The following ANKDD1B variants were observed in gnomAD, a reference collection of about 807,000 sequenced individuals.
The protein encoded by ANKDD1B is ankyrin repeat and death domain containing 1B, also known as ankyrin repeat and death domain-containing protein 1B.
A neutral mutation model predicts 59.7 loss-of-function variants in ANKDD1B; 57 were observed. The ratio of observed to expected loss-of-function variants is 0.95; its 90% CI spans 0.77 to 1.19. The LOEUF (loss-of-function observed/expected upper bound fraction) is 1.19, where lower values mean the gene tolerates loss of function less well. Among genes scored for constraint, ANKDD1B ranks in the 50% most tolerant of loss-of-function variants. The pLI, the probability that ANKDD1B is intolerant of heterozygous loss-of-function variation, is 0.00. For synonymous variants in ANKDD1B, 216 were observed against 239.5 expected, an observed-to-expected ratio of 0.90 and a Z score of 0.91; for missense variants, 602 against 641.9, an observed-to-expected ratio of 0.94 and a Z score of 0.67.
intron 5 of ANKDD1B, among the ~76,000 whole-genome samples, chr5:75,633,400 T>G (rs144415291): frequency 1.3e-5 from 2 of 152,316 alleles, no homozygotes; most frequent in African/African-American, 4.8e-5. Flanking sequence ...TGTCTTCGCT[T>G]TTTGCCATTT....
At chr5:75,662,689 G>A (rs1294106230) in intron 10 of ANKDD1B, among the ~76,000 whole-genome samples, 2 of 152,058 alleles carry the variant, frequency 1.3e-5, no homozygotes, top group Non-Finnish European at 2.9e-5. Flanking sequence ...TCCATCTTGA[G>A]AAAAGTGTAC....
At chr5:75,635,685 A>G (rs1774280075) in intron 6 of ANKDD1B, 99 bp from the exon 7 acceptor site, 1 of 731,456 alleles carries the variant, frequency 1.4e-6, no homozygotes, top group Non-Finnish European at 2.2e-6. Context: ...AGCTTTAACC[A>G]AAATGAAAAC....
chr5:75,637,199 C>T (rs1361429903), intron 7 of ANKDD1B, among the ~76,000 whole-genome samples: 1 of 134,982 alleles, frequency 7.4e-6, no homozygotes, highest in Non-Finnish European at 1.5e-5. Context: ...GAGCCCAGAT[C>T]GTACCACTGC....
At chr5:75,617,865 A>G (rs1255968178) in intron 2 of ANKDD1B, among the ~76,000 whole-genome samples, 1 of 152,160 alleles carries the variant, frequency 6.6e-6, no homozygotes, top group Admixed American at 6.6e-5. Context: ...AGGTCCTAGA[A>G]ACTGAAGCTG....
chr5:75,648,253 TAAAAAAAAAAAATTA>T (rs1332746860), intron 7 of ANKDD1B, among the ~76,000 whole-genome samples: 1,029 of 37,296 alleles, frequency 0.028, 22 homozygotes, highest in African/African-American at 0.092. Flanking sequence ...AAAGTATAAT[TAAAAAAAAAAAATTA>T]AAAAAAAAAA....
rs1775464382 is a variant in ANKDD1B, at chr5:75,671,005, A to ATGGAGTTGAGTCCATTT, written c.1552_1553insTGGAGTTGAGTCCATTT (p.Thr518MetfsTer15). On this transcript the variant is annotated frameshift_variant, in exon 14 of 14. Coordinates refer to ENST00000601380, the MANE Select transcript of ANKDD1B (RefSeq NM_001276713.2). LOFTEE classifies it high-confidence loss of function. ...AAAGACTCGTCATTTCAAAAGCAAA[A>ATGGAGTTGAGTCCATTT]CTGACTCAAACTCCAAGAAATGTGT... 1 of 1,230,138 alleles carries ATGGAGTTGAGTCCATTT rather than the reference A, an allele frequency of 8.1e-7. No homozygotes were observed. The highest frequency in any genetic ancestry group is 1.0e-6 in the Non-Finnish European group (1 of 986,352). The allele number at this position is 1,230,138 out of a possible 1,614,324, so 76.2% of individuals were successfully genotyped here.
intron 11 of ANKDD1B, 92 bp from the exon 12 acceptor site, chr5:75,666,700 T>G: frequency 1.1e-6 from 1 of 923,540 alleles, no homozygotes; most frequent in Non-Finnish European, 1.7e-6. Context: ...GTTACCACCT[T>G]ACTAGTTATG....
intron 10 of ANKDD1B, 80 bp downstream of exon 10, chr5:75,659,461 A>C: frequency 1.0e-6 from 1 of 989,922 alleles, no homozygotes. Flanking sequence ...GAGCAGCGTT[A>C]TTGGAATATC....
Position 75,669,282 on chromosome 5 carries a change from G to A in ANKDD1B, c.1424G>A (p.Arg475Lys). Residue 475 changes from arginine (R) to lysine (K), a missense_variant, in exon 13 of 14, where the codon AGG (arginine) becomes AAG (lysine). By Grantham distance (26) the Arg-to-Lys change is conservative (BLOSUM62 2). Transcript: ENST00000601380. ...GNESFREHGH[R>K]ALLIWLHGTL... ...GAAAGCTTCCGTGAACATGGCCACA[G>A]GGCTCTGCTTATCTGGCTACACGGG... 8.1e-7 allele frequency: 1 copy of A among 1,232,164 alleles called. No homozygotes were observed. Among genetic ancestry groups the A allele is most frequent in the Non-Finnish European group, 1.0e-6 (1 of 987,972 alleles). 76.3% of individuals were successfully genotyped at this position (1,232,164 alleles called of 1,614,324 possible).
chr5:75,661,215 G>A (rs1447689383), intron 10 of ANKDD1B, among the ~76,000 whole-genome samples: 1 of 151,242 alleles, frequency 6.6e-6, no homozygotes, highest in Non-Finnish European at 1.5e-5. Context: ...TGACCAACAT[G>A]GTGAAACCCT....
intron 12 of ANKDD1B, 115 bp from the exon 13 acceptor site, chr5:75,669,137 G>A (rs1036343634): frequency 1.7e-4 from 191 of 1,095,916 alleles, no homozygotes; most frequent in Non-Finnish European, 1.8e-4. Context: ...GGCTTTTTTC[G>A]AAGAGGAACA....
chr5:75,623,435 T>G (rs1197379707), intron 3 of ANKDD1B, among the ~76,000 whole-genome samples: 1 of 152,066 alleles, frequency 6.6e-6, no homozygotes, highest in East Asian at 1.9e-4. Context: ...GAACTCCAAA[T>G]TAAGAGGTGG....
chr5:75,616,608 C>T (rs1773723362), intron 1 of ANKDD1B, among the ~76,000 whole-genome samples, 196 bp from the exon 2 acceptor site: 1 of 152,130 alleles, frequency 6.6e-6, no homozygotes, highest in South Asian at 2.1e-4. Context: ...GATGTGAAAG[C>T]GCTTGCAGCA....
Position 75,625,495 on chromosome 5 carries a change from C to T in ANKDD1B, c.397-152C>T, listed in dbSNP as rs1365172204. ...CTTATTAAGTATAACCATTTTTCCC[C>T]ATAGGACCGAAATATCACTTTTGCT... On this transcript the variant is annotated intron_variant, in intron 3 of 13. Transcript: ENST00000601380. Among the ~76,000 whole-genome samples, 3 of 152,086 alleles carry T rather than the reference C, an allele frequency of 2.0e-5. No homozygotes were observed. The East Asian group carries it at 5.8e-4, about 29-fold the overall frequency.
At chr5:75,623,014 C>T (rs1773896507) in intron 3 of ANKDD1B, among the ~76,000 whole-genome samples, 5 of 152,046 alleles carry the variant, frequency 3.3e-5, no homozygotes, top group Admixed American at 2.6e-4. Flanking sequence ...TTAGGAATTA[C>T]CTTTTAGGGA....
chr5:75,623,828 GC>G (rs1168963720), intron 3 of ANKDD1B, among the ~76,000 whole-genome samples: 1 of 152,064 alleles, frequency 6.6e-6, no homozygotes, highest in Non-Finnish European at 1.5e-5. Flanking sequence ...TTTCCTGGGG[GC>G]AAAATCACCC....
At chr5:75,664,787 A>T (rs1240441339) in intron 11 of ANKDD1B, among the ~76,000 whole-genome samples, 1 of 152,224 alleles carries the variant, frequency 6.6e-6, no homozygotes, top group Non-Finnish European at 1.5e-5. Context: ...TTTGAAAACC[A>T]TATATAAAAC....
intron 7 of ANKDD1B, among the ~76,000 whole-genome samples, chr5:75,648,267 TAAAAAA>T (rs57389631): frequency 8.2e-4 from 72 of 87,424 alleles, no homozygotes; most frequent in African/African-American, 2.3e-3. Flanking sequence ...AAAAAAAAAT[TAAAAAA>T]AAAAAAAAAA....
intron 3 of ANKDD1B, 134 bp from the exon 4 acceptor site, chr5:75,625,513 C>T (rs1198909817): frequency 1.6e-5 from 11 of 687,386 alleles, no homozygotes; most frequent in East Asian, 2.7e-5. Context: ...CGAAATATCA[C>T]TTTTGCTGCA....
Sources: allele counts gnomAD v4.1 joint callset (sites outside exome capture counted in the v4.1 genomes callset), GRCh38; gene constraint gnomAD v4.1.1; transcripts MANE v1.5; gene names NCBI Gene and HGNC (gene_info 2026-07-23, HGNC 2026-07-21).